MIA2: variants seen among roughly 807,000 people sequenced by gnomAD.
MIA2 encodes MIA SH3 domain ER export factor 2.
Under a neutral mutation model 167.8 loss-of-function variants are expected in MIA2, and 127 were observed. That is an observed-to-expected ratio of 0.76 (90% CI 0.66 to 0.88). MIA2 has a LOEUF of 0.88. Ranked by LOEUF, MIA2 falls within the 40% of genes least tolerant of loss-of-function variation. The probability of loss-of-function intolerance (pLI) is 0.00; values close to 1 mark genes in which losing one functional copy is unlikely to be tolerated. For missense variants in MIA2, 1,690 were observed against 1,624.7 expected, an observed-to-expected ratio of 1.04 and a Z score of -0.69; for synonymous variants, 552 against 541.9, an observed-to-expected ratio of 1.02 and a Z score of -0.26.
At chr14:39,271,787 A>G (rs1385711935) in intron 6 of MIA2, among the ~76,000 whole-genome samples, 1 of 151,848 alleles carries the variant, frequency 6.6e-6, no homozygotes, top group Non-Finnish European at 1.5e-5. Context: ...TAGCTCAGCT[A>G]GGTCCAAGTT....
intron 14 of MIA2, among the ~76,000 whole-genome samples, chr14:39,300,450 T>A (rs2152874209): frequency 6.6e-6 from 1 of 151,336 alleles, no homozygotes; most frequent in Non-Finnish European, 1.5e-5. Context: ...AAGGATTTTT[T>A]GATTTTTTAG....
intron 6 of MIA2, among the ~76,000 whole-genome samples, chr14:39,273,654 A>G (rs546504669): frequency 3.5e-4 from 54 of 152,196 alleles, no homozygotes; most frequent in African/African-American, 9.9e-4. Flanking sequence ...TGTATGTTAA[A>G]CCAACCTTGC....
chr14:39,301,848 CAT>C (rs2062561614), intron 14 of MIA2, among the ~76,000 whole-genome samples: 1 of 152,178 alleles, frequency 6.6e-6, no homozygotes, highest in South Asian at 2.1e-4. Context: ...TGAGAAATGT[CAT>C]ATAAAAAATA....
chr14:39,252,103 T>C (rs2054608324), intron 4 of MIA2, among the ~76,000 whole-genome samples: 1 of 152,146 alleles, frequency 6.6e-6, no homozygotes, highest in Middle Eastern at 3.2e-3. Context: ...ATATAGCTTT[T>C]GTAATTCTTC....
At chr14:39,299,305 CTT>C (rs34424266) in intron 13 of MIA2, among the ~76,000 whole-genome samples, 3 of 95,090 alleles carry the variant, frequency 3.2e-5, no homozygotes, top group African/African-American at 4.0e-5. Context: ...AATGGTATTT[CTT>C]TTTTTTTTTT....
intron 2 of MIA2, among the ~76,000 whole-genome samples, chr14:39,238,546 G>A (rs2053875326): frequency 2.0e-5 from 3 of 151,978 alleles, no homozygotes; most frequent in African/African-American, 4.8e-5. Flanking sequence ...TGTAATATCA[G>A]CACTTTGGGA....
intron 23 of MIA2, among the ~76,000 whole-genome samples, chr14:39,374,635 G>A (rs2075012584): frequency 6.6e-6 from 1 of 152,182 alleles, no homozygotes; most frequent in Non-Finnish European, 1.5e-5. Context: ...CATCCCAAGA[G>A]ATCTTGTCTA....
intron 9 of MIA2, among the ~76,000 whole-genome samples, chr14:39,285,710 T>C (rs1331993216): frequency 2.1e-4 from 11 of 52,624 alleles, no homozygotes; most frequent in South Asian, 6.2e-4. Flanking sequence ...GCGGAGACGC[T>C]CCTCACTTCC....
chr14:39,257,583 A>G (rs911605651), intron 6 of MIA2, among the ~76,000 whole-genome samples: 1 of 152,102 alleles, frequency 6.6e-6, no homozygotes, highest in Non-Finnish European at 1.5e-5. Flanking sequence ...GCCCATTTAC[A>G]TTTAAGGTTA....
chr14:39,347,243 G>T (rs542873065), intron 26 of MIA2, among the ~76,000 whole-genome samples: 2 of 152,294 alleles, frequency 1.3e-5, no homozygotes, highest in East Asian at 3.9e-4. Context: ...AGAGGTAGTT[G>T]TGGTCAGAGA....
At chr14:39,298,443 A>ATATATATATATATATATATATGTATGT (rs1372100362) in intron 13 of MIA2, among the ~76,000 whole-genome samples, 3 of 50,030 alleles carry the variant, frequency 6.0e-5, no homozygotes, top group Admixed American at 2.2e-4. Flanking sequence ...ATATATATAT[A>ATATATATATATATATATATATGTATGT]AAGATTAGTT....
chr14:39,350,519 T>C lies in MIA2; in HGVS notation c.*255T>C, dbSNP rs2074273720. The C allele has an allele frequency of 3.0e-6, 1 of 337,588 alleles. No individual in the cohort carries two copies. The highest frequency in any genetic ancestry group is 2.1e-5 in the African/African-American group (1 of 47,278). The allele number at this position is 337,588 out of a possible 1,614,324, so 20.9% of individuals were successfully genotyped here. ...TATAAACAATAGTGGGAGTTTTATA[T>C]ATGTAATCTTTCAGGTGGGGAGGCT... On this transcript the variant is annotated 3_prime_UTR_variant, in exon 29 of 29. Transcript: ENST00000640607.
At chr14:39,327,060 G>A (rs762337138) in intron 25 of MIA2, 38 bp downstream of exon 25, 2 of 1,413,750 alleles carry the variant, frequency 1.4e-6, no homozygotes, top group Non-Finnish European at 9.3e-7. Context: ...TCTTTGAAAG[G>A]CAGCTGGGAT....
intron 23 of MIA2, chr14:39,385,930 G>C (rs2075266373): frequency 1.2e-6 from 1 of 846,880 alleles, no homozygotes; most frequent in South Asian, 1.4e-5. Flanking sequence ...TCCTAAACTG[G>C]TGGGGAGAGA....
At position 39,301,024 on chromosome 14, in the gene MIA2, A is replaced by C. The variant is rs527911150; in HGVS notation, c.2619+1038A>C. On this transcript the variant is annotated intron_variant, in intron 14 of 28. Coordinates refer to ENST00000640607, the MANE Select transcript of MIA2 (RefSeq NM_001329214.4). ...TACATATATACACATATATACACAC[A>C]TATATACATATACATACACACACAC... 9.5e-5 allele frequency among the ~76,000 whole-genome samples: 11 copies of C among 115,190 alleles called. No individual in the cohort carries two copies. The East Asian group carries it at 2.9e-3, about 30-fold the overall frequency. The allele number at this position is 115,190 out of a possible 152,430, so 75.6% of individuals were successfully genotyped here.
chr14:39,276,806 G>A lies in MIA2; in HGVS notation c.1888-128G>A. ...GAAAGTTGACAAAAAAATGTACTCT[G>A]ATACTTTCTGTTTGGTGTTAGTCTG... On this transcript the variant is annotated intron_variant, in intron 6 of 28. Transcript: ENST00000640607. The A allele has an allele frequency of 4.3e-6, 4 of 930,098 alleles. No homozygotes were observed. In the South Asian group the frequency reaches 6.4e-5, roughly 15 times the overall value. The allele number at this position is 930,098 out of a possible 1,614,324, so 57.6% of individuals were successfully genotyped here.
intron 6 of MIA2, among the ~76,000 whole-genome samples, chr14:39,268,034 G>C (rs540070386): frequency 6.6e-6 from 1 of 150,942 alleles, no homozygotes; most frequent in Non-Finnish European, 1.5e-5. Context: ...TCTACCATGA[G>C]TGAGATTGTT....
At chr14:39,352,907 T>G (rs145379476), downstream of MIA2, among the ~76,000 whole-genome samples, 273 of 152,310 alleles carry the variant, frequency 1.8e-3, 1 homozygote, top group African/African-American at 6.0e-3. Context: ...TAGTGATTTT[T>G]CAAGTATTAA....
intron 16 of MIA2, 100 bp downstream of exon 16, chr14:39,303,624 C>A: frequency 2.7e-6 from 2 of 735,558 alleles, no homozygotes; most frequent in Non-Finnish European, 4.4e-6. Flanking sequence ...TTATTGTTCC[C>A]ATATAAATAT....
Sources: gnomAD v4.1 joint callset for allele counts (sites outside exome capture counted in the v4.1 genomes callset) on GRCh38, gnomAD v4.1.1 for gene constraint, MANE v1.5 for transcripts, NCBI Gene and HGNC (gene_info 2026-07-23, HGNC 2026-07-21) for gene names.